NEXN: variants seen among roughly 807,000 people sequenced by gnomAD.
The protein encoded by NEXN is nexilin.
A neutral mutation model predicts 92.6 loss-of-function variants in NEXN; 65 were observed. The observed-to-expected ratio is 0.70, with a 90% CI of 0.57 to 0.86. The LOEUF is 0.86. Ranked by LOEUF, NEXN falls within the 40% of genes least tolerant of loss-of-function variation. The pLI is 0.00. For synonymous variants in NEXN, 254 were observed against 242.5 expected (o/e 1.05, Z -0.44); for missense variants, 778 against 771.1 (o/e 1.01, Z -0.11).
intron 1 of NEXN, among the ~76,000 whole-genome samples, chr1:77,913,258 T>TA (rs1648722562): frequency 6.6e-6 from 1 of 151,870 alleles, no homozygotes; most frequent in Non-Finnish European, 1.5e-5. Flanking sequence ...CTACTACAAA[T>TA]ACAAAAATTA....
rs773724720 is a variant in NEXN, at chr1:77,942,059, G to C, written c.1510G>C (p.Glu504Gln). ...TGATGTTAGGCCTGCAAGAAAAAGC[G>C]AGGCTCCATTTACTCACAAAGTGAA... ...DVDVRPARKS[E>Q]APFTHKVNMK... The change falls in exon 12 of 13, where the codon GAG (glutamate) becomes CAG (glutamine). Residue 504 changes from glutamate (E) to glutamine (Q), a missense_variant. This residue lies in a region of NEXN where 532 missense variants were observed against 476.7 expected (regional missense o/e 1.12). Transcript: ENST00000334785. 1.2e-6 allele frequency: 2 copies of C among 1,613,406 alleles called. No homozygotes were observed. Among genetic ancestry groups the C allele is most frequent in the Non-Finnish European group, 1.7e-6 (2 of 1,179,612 alleles).
chr1:77,942,218 T>G lies in NEXN; in HGVS notation c.1659+10T>G, dbSNP rs1322281819. 1.2e-6 allele frequency: 2 copies of G among 1,612,594 alleles called. No individual in the cohort carries two copies. Among genetic ancestry groups the G allele is most frequent in the African/African-American group, 1.3e-5 (1 of 74,908 alleles). On this transcript the variant is annotated intron_variant, in intron 12 of 12. Coordinates refer to ENST00000334785, the MANE Select transcript of NEXN (RefSeq NM_144573.4). ...TGCAGCACTACAAAAGGTACCAGGCTTATGTATCCTTTATTTTCCAAAGAT... is the reference window on the plus strand; with the variant it reads ...TGCAGCACTACAAAAGGTACCAGGCGTATGTATCCTTTATTTTCCAAAGAT...
At chr1:77,892,292 TCTGGGTTTTTAGTGTAC>T (rs1340211329) in intron 1 of NEXN, among the ~76,000 whole-genome samples, 1 of 152,158 alleles carries the variant, frequency 6.6e-6, no homozygotes, top group East Asian at 1.9e-4. Flanking sequence ...GTGAAGTCTG[TCTGGGTTTTTAGTGTAC>T]CTGTCACCCA....
chr1:77,904,051 G>A (rs1180402524), intron 1 of NEXN, among the ~76,000 whole-genome samples: 1 of 151,990 alleles, frequency 6.6e-6, no homozygotes, highest in Non-Finnish European at 1.5e-5. Flanking sequence ...GGAATGCAGT[G>A]GTGCAATCCT....
intron 5 of NEXN, among the ~76,000 whole-genome samples, chr1:77,920,479 G>A (rs925491078): frequency 2.6e-5 from 4 of 152,016 alleles, no homozygotes; most frequent in Non-Finnish European, 5.9e-5. Context: ...ATGAGAGCTG[G>A]ACATGGTGAC....
chr1:77,932,177 T>G (rs1650366607), intron 9 of NEXN: 1 of 152,050 alleles, frequency 6.6e-6, no homozygotes, highest in African/African-American at 2.4e-5. Flanking sequence ...CCACCTGCCT[T>G]GGCCTCCCAA....
chr1:77,942,315 C>T, intron 12 of NEXN, 107 bp downstream of exon 12: 1 of 1,370,274 alleles, frequency 7.3e-7, no homozygotes, highest in Non-Finnish European at 1.0e-6. Context: ...TTTCAAGTCA[C>T]TGGAATGTAC....
At chr1:77,940,708 T>C (rs966357879) in intron 11 of NEXN, among the ~76,000 whole-genome samples, 1 of 152,192 alleles carries the variant, frequency 6.6e-6, no homozygotes, top group South Asian at 2.1e-4. Flanking sequence ...AAAGAGGTCC[T>C]TTTTAAATTT....
At chr1:77,919,879 C>T (rs1336932033) in intron 5 of NEXN, among the ~76,000 whole-genome samples, 3 of 150,384 alleles carry the variant, frequency 2.0e-5, no homozygotes, top group Non-Finnish European at 4.4e-5. Flanking sequence ...GGATTACAGG[C>T]GTGAGTCACC....
chr1:77,915,135 G>A (rs1648868022), intron 1 of NEXN, among the ~76,000 whole-genome samples: 1 of 151,540 alleles, frequency 6.6e-6, no homozygotes, highest in Non-Finnish European at 1.5e-5. Flanking sequence ...ACAACACAGT[G>A]AGACCCCATT....
In NEXN at chr1:77,943,676, C is replaced by T. The variant is rs887176286; in HGVS notation, c.*847C>T. 17 of 151,874 alleles carry T rather than the reference C, an allele frequency of 1.1e-4. No homozygotes were observed. The highest frequency in any genetic ancestry group is 2.4e-4 in the Non-Finnish European group (16 of 67,902). The allele number at this position is 151,874 out of a possible 1,614,324, so 9.4% of individuals were successfully genotyped here. On this transcript the variant is annotated 3_prime_UTR_variant, in exon 13 of 13. Transcript: ENST00000334785. ...AAAAACTTTCTATTAATAGTTCACG[C>T]AAGAGAAAACACTTTCAACATAGTC...
At chr1:77,917,057 C>G (rs1649035708) in intron 2 of NEXN, among the ~76,000 whole-genome samples, 1 of 152,126 alleles carries the variant, frequency 6.6e-6, no homozygotes, top group South Asian at 2.1e-4. Flanking sequence ...AAAGGACTGG[C>G]CTTTGGTTTT....
intron 1 of NEXN, among the ~76,000 whole-genome samples, chr1:77,899,526 G>A (rs1175545693): frequency 2.6e-5 from 4 of 152,144 alleles, no homozygotes; most frequent in Admixed American, 2.6e-4. Flanking sequence ...GGGGAGAGGG[G>A]AGGGATAGCA....
intron 5 of NEXN, among the ~76,000 whole-genome samples, chr1:77,924,415 T>C (rs1030329705): frequency 6.6e-6 from 1 of 152,124 alleles, no homozygotes; most frequent in Non-Finnish European, 1.5e-5. Context: ...TTGTATCAGT[T>C]TTATTTTTGC....
intron 11 of NEXN, among the ~76,000 whole-genome samples, chr1:77,938,968 T>C (rs189461231): frequency 4.9e-4 from 75 of 152,370 alleles, no homozygotes; most frequent in African/African-American, 1.8e-3. Flanking sequence ...CTCTATGATC[T>C]GGGCAACAAT....
chr1:77,912,304 T>C (rs1360084624), intron 1 of NEXN, among the ~76,000 whole-genome samples: 1 of 152,162 alleles, frequency 6.6e-6, no homozygotes, highest in Non-Finnish European at 1.5e-5. Flanking sequence ...ATAGAATATG[T>C]ATATAATGGG....
intron 11 of NEXN, among the ~76,000 whole-genome samples, chr1:77,939,816 T>C (rs375937871): frequency 1.3e-5 from 2 of 152,198 alleles, no homozygotes; most frequent in Admixed American, 1.3e-4. Flanking sequence ...TTTATGCCTG[T>C]AATTCCCAGC....
chr1:77,896,757 T>G (rs1418951668), intron 1 of NEXN, among the ~76,000 whole-genome samples: 1 of 149,974 alleles, frequency 6.7e-6, no homozygotes, highest in Admixed American at 6.6e-5. Context: ...AGACTCTGTC[T>G]AATTAAAAAA....
Position 77,926,968 on chromosome 1 carries a change from A to T in NEXN, c.864+76A>T, listed in dbSNP as rs1571136630. The T allele has an allele frequency of 1.9e-6, 3 of 1,551,278 alleles. No homozygotes were observed. The East Asian group carries it at 6.8e-5, about 35-fold the overall frequency. On this transcript the variant is annotated intron_variant, in intron 8 of 12. Coordinates refer to ENST00000334785, the MANE Select transcript of NEXN (RefSeq NM_144573.4). ...CTTAAGATAAGGTTTACTACTACAA[A>T]TTCAAAGAGATTTTACATATAGAAG...
Sources: gnomAD v4.1 joint callset for allele counts (sites outside exome capture counted in the v4.1 genomes callset) on GRCh38, gnomAD v4.1.1 for gene constraint, gnomAD v4.1.1 regional missense constraint, MANE v1.5 for transcripts, NCBI Gene and HGNC (gene_info 2026-07-23, HGNC 2026-07-21) for gene names.